MARK1: variants seen among roughly 807,000 people sequenced by gnomAD.
The protein encoded by MARK1 is microtubule affinity regulating kinase 1.
Under a neutral mutation model 96.3 loss-of-function variants are expected in MARK1, and 40 were observed. That is an observed-to-expected ratio of 0.42 (90% CI 0.32 to 0.54). The LOEUF is 0.54. Among genes scored for constraint, MARK1 ranks in the 20% least tolerant of loss-of-function variants. The probability of loss-of-function intolerance (pLI) is 0.16; values close to 1 mark genes in which losing one functional copy is unlikely to be tolerated. For missense variants in MARK1, 719 were observed against 984.6 expected, an observed-to-expected ratio of 0.73 and a Z score of 3.61; for synonymous variants, 317 against 341.2, an observed-to-expected ratio of 0.93 and a Z score of 0.78.
intron 13 of MARK1, among the ~76,000 whole-genome samples, chr1:220,645,753 C>T (rs573377774): frequency 2.7e-4 from 41 of 152,262 alleles, no homozygotes; most frequent in Non-Finnish European, 4.7e-4. Flanking sequence ...GTTCAACATA[C>T]GTGAATCAAT....
chr1:220,579,418 A>G lies in MARK1; in HGVS notation c.116A>G (p.Asn39Ser), dbSNP rs780576893. 2.5e-6 allele frequency: 4 copies of G among 1,613,956 alleles called. No individual in the cohort carries two copies. The African/African-American group carries it at 5.3e-5, about 22-fold the overall frequency. The stretch of plus-strand genomic sequence containing the variant: ...CCTACCAAGTCGAGTAGCAGACAGA[A>G]CATCCCCCGGTGTAGAAACTCCATT... ...IQPTKSSSRQ[N>S]IPRCRNSITS... The change falls in exon 2 of 18, where the codon AAC (asparagine) becomes AGC (serine). Residue 39 changes from asparagine (N) to serine (S), a missense_variant. This residue lies in a region of MARK1 where 105 missense variants were observed against 133.4 expected (regional missense o/e 0.79). Coordinates refer to ENST00000366917, the MANE Select transcript of MARK1 (RefSeq NM_018650.5).
chr1:220,554,818 AG>A (rs1302376863), intron 1 of MARK1, among the ~76,000 whole-genome samples: 1 of 152,206 alleles, frequency 6.6e-6, no homozygotes, highest in Non-Finnish European at 1.5e-5. Flanking sequence ...TAGGCCAAAT[AG>A]GTGAGCTGAG....
chr1:220,611,947 G>A (rs1666468760), intron 6 of MARK1, among the ~76,000 whole-genome samples: 1 of 152,108 alleles, frequency 6.6e-6, no homozygotes, highest in African/African-American at 2.4e-5. Context: ...TGGCCAAGCT[G>A]GTCTTGAACT....
chr1:220,655,550 C>G (rs922524166), intron 16 of MARK1, among the ~76,000 whole-genome samples: 4 of 140,480 alleles, frequency 2.8e-5, no homozygotes, highest in African/African-American at 9.8e-5. Context: ...ATCCTTGACA[C>G]TTCTTTTCCT....
In MARK1 at chr1:220,654,121, G is replaced by A. The variant is rs1669046427; in HGVS notation, c.1988+769G>A. Among the ~76,000 whole-genome samples the A allele has an allele frequency of 6.6e-6, 1 of 152,152 alleles. No individual in the cohort carries two copies. The highest frequency in any genetic ancestry group is 1.5e-5 in the Non-Finnish European group (1 of 68,026). On this transcript the variant is annotated intron_variant, in intron 16 of 17. Coordinates refer to ENST00000366917, the MANE Select transcript of MARK1 (RefSeq NM_018650.5). This position sits in a 1 kb window ranked among gnomAD's most constrained non-coding sequence, Gnocchi z 4.0. The stretch of plus-strand genomic sequence containing the variant: ...GTGCCCTCCAGATTCTTATAGTCTT[G>A]TAAGAAGCAGACAAACAACTAGCCA...
chr1:220,596,609 T>TAAGCTA (rs1665374601), intron 3 of MARK1, among the ~76,000 whole-genome samples: 2 of 152,160 alleles, frequency 1.3e-5, no homozygotes, highest in Non-Finnish European at 2.9e-5. Flanking sequence ...GCAAGCTTTT[T>TAAGCTA]TGTAGGAGGT....
chr1:220,614,034 G>A (rs1401644618), intron 6 of MARK1, among the ~76,000 whole-genome samples: 3 of 152,050 alleles, frequency 2.0e-5, no homozygotes, highest in Non-Finnish European at 4.4e-5. Flanking sequence ...TTGAGACAGA[G>A]TCTCACTCTG....
intron 6 of MARK1, 137 bp from the exon 7 acceptor site, chr1:220,615,802 C>A (rs1666709654): frequency 1.5e-5 from 8 of 531,850 alleles, no homozygotes; most frequent in Admixed American, 1.1e-4. Flanking sequence ...GTATAGTTTT[C>A]TGAACTAAAA....
intron 1 of MARK1, among the ~76,000 whole-genome samples, chr1:220,567,255 G>A (rs1466074379): frequency 6.6e-6 from 1 of 152,024 alleles, no homozygotes; most frequent in Non-Finnish European, 1.5e-5. Context: ...GGTTGTTTCC[G>A]ACCTTTTGTT....
At position 220,572,231 on chromosome 1, in the gene MARK1, T is replaced by G. The variant is rs71640896; in HGVS notation, c.52-7123T>G. Among the ~76,000 whole-genome samples, 3 of 152,198 alleles carry G rather than the reference T, an allele frequency of 2.0e-5. No homozygotes were observed. In the South Asian group the frequency reaches 6.2e-4, roughly 32 times the overall value. On this transcript the variant is annotated intron_variant, in intron 1 of 17. Coordinates refer to ENST00000366917, the MANE Select transcript of MARK1 (RefSeq NM_018650.5). ...GTTCAGATTTTGTGTATCCTTACTG[T>G]TTTTTCTTTTCCTTTTTTTTCTTTT...
intron 3 of MARK1, among the ~76,000 whole-genome samples, chr1:220,590,893 C>T (rs1664940528): frequency 6.6e-6 from 1 of 152,128 alleles, no homozygotes; most frequent in Admixed American, 6.5e-5. Flanking sequence ...ATACTCAAGA[C>T]ATCTTTGAGA....
Position 220,635,826 on chromosome 1 carries a change from AT to A in MARK1, c.1277-5del. ...AGCTCATTATGCTATTTTTAAAAAA[AT>A]TATAGCTGGTCCATCCATTCCTCCT... On this transcript the variant is annotated splice_region_variant and splice_polypyrimidine_tract_variant and intron_variant, in intron 12 of 17. Transcript: ENST00000366917. The A allele has an allele frequency of 1.3e-6, 2 of 1,557,974 alleles. No homozygotes were observed. The highest frequency in any genetic ancestry group is 2.5e-5 in the South Asian group (2 of 81,500).
chr1:220,616,978 C>T (rs559550024), intron 7 of MARK1, among the ~76,000 whole-genome samples: 13 of 152,268 alleles, frequency 8.5e-5, no homozygotes, highest in Admixed American at 7.2e-4. Flanking sequence ...TGGAAGGAGA[C>T]CTCAGAACCC....
At chr1:220,641,866 T>G (rs1251424785) in intron 13 of MARK1, among the ~76,000 whole-genome samples, 3 of 152,186 alleles carry the variant, frequency 2.0e-5, no homozygotes, top group Non-Finnish European at 4.4e-5. Context: ...TGAGGGAGTG[T>G]GCTGCCTGCC....
intron 1 of MARK1, 74 bp downstream of exon 1, chr1:220,528,947 G>A: frequency 6.9e-7 from 1 of 1,445,538 alleles, no homozygotes; most frequent in Non-Finnish European, 9.2e-7. Context: ...CCCGCGCTTG[G>A]GCCGTCCCCC....
chr1:220,603,878 A>G (rs1665905407), intron 5 of MARK1, among the ~76,000 whole-genome samples, 189 bp from the exon 6 acceptor site: 1 of 152,104 alleles, frequency 6.6e-6, no homozygotes, highest in Admixed American at 6.6e-5. Context: ...ACAAACTGCT[A>G]CAGATACTCA....
At chr1:220,617,203 G>A (rs1240630697) in intron 7 of MARK1, among the ~76,000 whole-genome samples, 2 of 152,188 alleles carry the variant, frequency 1.3e-5, no homozygotes, top group South Asian at 2.1e-4. Context: ...TGCTTTTATA[G>A]TATTTATGTG....
intron 1 of MARK1, among the ~76,000 whole-genome samples, chr1:220,568,435 A>G (rs999112814): frequency 4.6e-5 from 7 of 152,092 alleles, no homozygotes; most frequent in Admixed American, 6.6e-5. Flanking sequence ...TATGAAACCA[A>G]TTTGGCTGGA....
In MARK1 at chr1:220,663,205, G is replaced by A. The variant is rs1282790279; in HGVS notation, c.*1039G>A. 6 of 152,496 alleles carry A rather than the reference G, an allele frequency of 3.9e-5. No homozygotes were observed. The highest frequency in any genetic ancestry group is 5.9e-5 in the Non-Finnish European group (4 of 68,010). 9.4% of individuals were successfully genotyped at this position (152,496 alleles called of 1,614,324 possible). Reference sequence around the variant, plus strand: ...ACCCCTGCCACTGTAATATCTATAAGTACTTAAGAGACTTGTGAGCAAAAC... The same window carrying A: ...ACCCCTGCCACTGTAATATCTATAAATACTTAAGAGACTTGTGAGCAAAAC... On this transcript the variant is annotated 3_prime_UTR_variant, in exon 18 of 18. Coordinates refer to ENST00000366917, the MANE Select transcript of MARK1 (RefSeq NM_018650.5).
Sources: allele counts gnomAD v4.1 joint callset (sites outside exome capture counted in the v4.1 genomes callset), GRCh38; gene constraint gnomAD v4.1.1; regional missense constraint gnomAD v4.1.1; non-coding constraint Gnocchi (gnomAD v3.1); transcripts MANE v1.5; gene names NCBI Gene and HGNC (gene_info 2026-07-23, HGNC 2026-07-21).